CASP2: variants seen among roughly 807,000 people sequenced by gnomAD.
The protein encoded by CASP2 is caspase 2, also known as caspase-2.
In CASP2, 38 loss-of-function variants were observed where a neutral mutation model predicts 54.4. That is an observed-to-expected ratio of 0.70 (90% confidence interval 0.54 to 0.92). The LOEUF is 0.92. Ranked by LOEUF, CASP2 falls within the 40% of genes least tolerant of loss-of-function variation. The pLI, the probability that CASP2 is intolerant of heterozygous loss-of-function variation, is 0.00. For synonymous variants in CASP2, 215 were observed against 216.3 expected (o/e 0.99, Z 0.05); for missense variants, 512 against 579.6 (o/e 0.88, Z 1.20).
At chr7:143,292,919 G>A (rs1318589275) in intron 4 of CASP2, among the ~76,000 whole-genome samples, 1 of 152,122 alleles carries the variant, frequency 6.6e-6, no homozygotes, top group African/African-American at 2.4e-5. Flanking sequence ...GCTGGGGCAG[G>A]AGAATTGCTA....
chr7:143,288,657 C>T (rs1801458150), intron 1 of CASP2, 128 bp downstream of exon 1: 2 of 899,698 alleles, frequency 2.2e-6, no homozygotes, highest in African/African-American at 1.7e-5. Context: ...CGCTTCCTGC[C>T]AAGGGTGGGA....
chr7:143,292,649 T>C lies in CASP2; in HGVS notation c.426T>C (p.Phe142=). Residue 142 remains phenylalanine, a synonymous_variant, in exon 4 of 11, where the codon TTT becomes TTC. Transcript: ENST00000310447. ...GTGACTACGACTTGAGTCTCCCTTT[T>C]CCGGTGTGTGAGTCCTGTCCCCTTT... ...LSCDYDLSLP[F]PVCESCPLYK... The C allele has an allele frequency of 1.2e-6, 2 of 1,613,590 alleles. No individual in the cohort carries two copies. Among genetic ancestry groups the C allele is most frequent in the Non-Finnish European group, 1.7e-6 (2 of 1,180,020 alleles).
Position 143,305,382 on chromosome 7 carries a change from A to C in CASP2, c.*311A>C. 2.2e-6 allele frequency: 1 copy of C among 456,820 alleles called. No individual in the cohort carries two copies. Among genetic ancestry groups the C allele is most frequent in the South Asian group, 2.1e-5 (1 of 47,062 alleles). 28.3% of individuals were successfully genotyped at this position (456,820 alleles called of 1,614,324 possible). A position where few individuals can be genotyped will look rare whatever the true frequency, so the allele number is the denominator to read the frequency against. ...TGTGGTTATGGGGAGAGGGCATATA[A>C]ATTCCCCATATTTGTGTTCAGTTCC... is the stretch of plus-strand genomic sequence containing the variant. On this transcript the variant is annotated 3_prime_UTR_variant, in exon 11 of 11. Transcript: ENST00000310447.
At chr7:143,304,578 G>C in intron 9 of CASP2, 96 bp from the exon 10 acceptor site, 1 of 863,572 alleles carries the variant, frequency 1.2e-6, no homozygotes, top group East Asian at 2.4e-5. Context: ...TGGGTTCTCT[G>C]ACTAGGGAGG....
intron 8 of CASP2, chr7:143,303,148 TA>T (rs956847483): frequency 2.6e-5 from 4 of 151,988 alleles, no homozygotes; most frequent in African/African-American, 7.2e-5. Flanking sequence ...AAAAATAAAT[TA>T]AAAATTTTTT....
At chr7:143,303,646 T>A in intron 8 of CASP2, 138 bp from the exon 9 acceptor site, 2 of 632,972 alleles carry the variant, frequency 3.2e-6, no homozygotes, top group Non-Finnish European at 5.6e-6. Flanking sequence ...TTTTAGTTTA[T>A]CAGCCATAGG....
chr7:143,288,645 C>T lies in CASP2; in HGVS notation c.74+116C>T, dbSNP rs1801456964. ...CGGAGCCCCGGAAAGCAGCCGTGTC[C>T]GCGCTTCCTGCCAAGGGTGGGACGC... On this transcript the variant is annotated intron_variant, in intron 1 of 10. Transcript: ENST00000310447. 4.0e-6 allele frequency: 4 copies of T among 994,840 alleles called. No individual in the cohort carries two copies. In the South Asian group the frequency reaches 4.5e-5, roughly 11 times the overall value. The allele number at this position is 994,840 out of a possible 1,614,324, so 61.6% of individuals were successfully genotyped here.
chr7:143,293,907 A>C (rs1442905524), intron 4 of CASP2, among the ~76,000 whole-genome samples: 3 of 152,230 alleles, frequency 2.0e-5, no homozygotes, highest in Non-Finnish European at 4.4e-5. Context: ...ATTGGCCTCT[A>C]AAAAGCTGAA....
In CASP2 at chr7:143,294,335, G is replaced by T; in HGVS notation, c.570+11G>T. 6.4e-7 allele frequency: 1 copy of T among 1,573,766 alleles called. No individual in the cohort carries two copies. On this transcript the variant is annotated intron_variant, in intron 5 of 10. Coordinates refer to ENST00000310447, the MANE Select transcript of CASP2 (RefSeq NM_032982.4). ...ACACACTTCCAGCTGGTGAGTTTTT[G>T]CATAATGACAAGAGGAAGAGAGTTG...
intron 8 of CASP2, chr7:143,303,228 C>G (rs897974728): frequency 6.6e-6 from 1 of 152,082 alleles, no homozygotes; most frequent in African/African-American, 2.4e-5. Flanking sequence ...TCGAAGATAT[C>G]AAAACCACCT....
In CASP2 at chr7:143,291,677, GGGAGCTCATCCA is replaced by G; in HGVS notation, c.215_225+1del. 1 of 1,613,950 alleles carries G rather than the reference GGGAGCTCATCCA, an allele frequency of 6.2e-7. No individual in the cohort carries two copies. The highest frequency in any genetic ancestry group is 1.1e-5 in the South Asian group (1 of 91,076). On this transcript the variant is annotated inframe_deletion and splice_region_variant, in exon 2 of 11. Coordinates refer to ENST00000310447, the MANE Select transcript of CASP2 (RefSeq NM_032982.4). The stretch of plus-strand genomic sequence containing the variant: ...AAGGACATCATCACCTTGGAAATGA[GGGAGCTCATCCA>G]GGTATCTGGAGGCAAAAGAGAGAAG...
intron 6 of CASP2, among the ~76,000 whole-genome samples, chr7:143,295,896 C>T (rs1801730645): frequency 6.6e-6 from 1 of 152,188 alleles, no homozygotes; most frequent in East Asian, 1.9e-4. Flanking sequence ...TATATGCTTT[C>T]CTGAGAAGTC....
intron 1 of CASP2, 38 bp from the exon 2 acceptor site, chr7:143,291,502 G>A: frequency 6.2e-7 from 1 of 1,607,548 alleles, no homozygotes. Flanking sequence ...GTGTCAAATT[G>A]TGACTTGACA....
intron 1 of CASP2, 26 bp from the exon 2 acceptor site, chr7:143,291,514 C>G: frequency 6.2e-7 from 1 of 1,613,092 alleles, no homozygotes; most frequent in East Asian, 2.2e-5. Context: ...GACTTGACAG[C>G]CTTTCCTTCT....
At chr7:143,299,131 T>G (rs1801842133) in intron 6 of CASP2, among the ~76,000 whole-genome samples, 1 of 152,170 alleles carries the variant, frequency 6.6e-6, no homozygotes, top group Non-Finnish European at 1.5e-5. Context: ...GGCTAATTTT[T>G]TTTTTTAAAG....
At chr7:143,299,059 C>T (rs1801840035) in intron 6 of CASP2, among the ~76,000 whole-genome samples, 1 of 151,986 alleles carries the variant, frequency 6.6e-6, no homozygotes, top group South Asian at 2.1e-4. Flanking sequence ...TCCTAGGCTC[C>T]AGTGATCCCT....
In CASP2 at chr7:143,291,663, C is replaced by T. The variant is rs1801564152; in HGVS notation, c.198C>T (p.Ile66=). Residue 66 remains isoleucine, a synonymous_variant, in exon 2 of 11, where the codon ATC becomes ATT. Transcript: ENST00000310447. ...LLEHLLEKDI[I]TLEMRELIQA... ...AACATCTTCTGGAGAAGGACATCAT[C>T]ACCTTGGAAATGAGGGAGCTCATCC... 6.2e-7 allele frequency: 1 copy of T among 1,613,784 alleles called. No homozygotes were observed. Among genetic ancestry groups the T allele is most frequent in the Non-Finnish European group, 8.5e-7 (1 of 1,179,932 alleles).
rs1324483467 is a variant in CASP2 at position 143,291,702 on chromosome 7, C to T, written c.225+12C>T. On this transcript the variant is annotated intron_variant, in intron 2 of 10. Transcript: ENST00000310447. ...GGGAGCTCATCCAGGTATCTGGAGG[C>T]AAAAGAGAGAAGATAAATTGATCAT... The T allele has an allele frequency of 6.2e-7, 1 of 1,602,038 alleles. No homozygotes were observed. The highest frequency in any genetic ancestry group is 8.5e-7 in the Non-Finnish European group (1 of 1,174,608).
At chr7:143,301,441 TC>T (rs1801915445) in intron 8 of CASP2, 1 of 151,918 alleles carries the variant, frequency 6.6e-6, no homozygotes, top group African/African-American at 2.4e-5. Context: ...GACCAGTTAC[TC>T]AGGAAAATAA....
Sources: allele counts gnomAD v4.1 joint callset (sites outside exome capture counted in the v4.1 genomes callset), GRCh38; gene constraint gnomAD v4.1.1; transcripts MANE v1.5; gene names NCBI Gene and HGNC (gene_info 2026-07-23, HGNC 2026-07-21).